The following RAVER1 variants were observed in gnomAD, a reference collection of about 807,000 sequenced individuals.
RAVER1 encodes ribonucleoprotein, PTB binding 1, also known as ribonucleoprotein PTB-binding 1.
Under a neutral mutation model 68.4 loss-of-function variants are expected in RAVER1, and 36 were observed. The ratio of observed to expected loss-of-function variants is 0.53; its 90% CI spans 0.40 to 0.70. The LOEUF (loss-of-function observed/expected upper bound fraction) is 0.70, where lower values mean the gene tolerates loss of function less well. Among genes scored for constraint, RAVER1 ranks in the 30% least tolerant of loss-of-function variants. The pLI is 0.00. For missense variants in RAVER1, 933 were observed against 1,019.8 expected (o/e 0.91, Z 1.16); for synonymous variants, 469 against 472.7 (o/e 0.99, Z 0.10).
chr19:10,329,625 C>CTACACACTGCCCACCCCTGCCA lies in RAVER1; in HGVS notation c.287-536_287-515dup, dbSNP rs1343644541. On this transcript the variant is annotated intron_variant, in intron 2 of 12. Coordinates refer to ENST00000617231, the MANE Select transcript of RAVER1 (RefSeq NM_133452.3). This position sits in a 1 kb window ranked among gnomAD's most constrained non-coding sequence, Gnocchi z 4.6. ...GGCAGCCGGACTCCAGAGGCCCACT[C>CTACACACTGCCCACCCCTGCCA]TACACACTGCCCACCCCTGCCACCT... Among the ~76,000 whole-genome samples the CTACACACTGCCCACCCCTGCCA allele has an allele frequency of 1.8e-3, 269 of 152,348 alleles. 1 individual carries two copies. The highest frequency in any genetic ancestry group is 3.4e-3 in the Middle Eastern group (1 of 294).
chr19:10,318,106 G>A (rs532965278), intron 11 of RAVER1, 123 bp downstream of exon 11: 2 of 829,298 alleles, frequency 2.4e-6, no homozygotes, highest in South Asian at 1.8e-5. Context: ...CCCTGAGCAA[G>A]ACCAACCCCT....
intron 3 of RAVER1, among the ~76,000 whole-genome samples, chr19:10,324,807 T>G (rs2145075902): frequency 6.6e-6 from 1 of 152,248 alleles, no homozygotes; most frequent in Non-Finnish European, 1.5e-5. Flanking sequence ...AAGCCCACCC[T>G]CCATTCAGCT....
rs1599299548 is a variant in RAVER1, at chr19:10,320,922, G to T, written c.1503C>A (p.Asp501Glu). Residue 501 changes from aspartate to glutamate, a missense_variant, in exon 9 of 13, where the codon GAC becomes GAA. Physicochemically the swap from Asp to Glu is conservative, Grantham distance 45. This residue lies in a region of RAVER1 where 699 missense variants were observed against 731.1 expected (regional missense o/e 0.96). Coordinates refer to ENST00000617231, the MANE Select transcript of RAVER1 (RefSeq NM_133452.3). Reference sequence around the variant, plus strand: ...GGTAGGGATTCAGGGGAATCCGGTAGTCCTTGGGGGGCTCCCCCAGCAGTG... The same window carrying T: ...GGTAGGGATTCAGGGGAATCCGGTATTCCTTGGGGGGCTCCCCCAGCAGTG... Reference protein sequence around the residue: ...GVSLLGEPPKDYRIPLNPYLN... With the variant: ...GVSLLGEPPKEYRIPLNPYLN... 1 of 1,497,340 alleles carries T rather than the reference G, an allele frequency of 6.7e-7. No homozygotes were observed. The highest frequency in any genetic ancestry group is 8.9e-7 in the Non-Finnish European group (1 of 1,128,962). 92.8% of individuals were successfully genotyped at this position (1,497,340 alleles called of 1,614,324 possible).
In RAVER1 at chr19:10,322,671, G is replaced by A; in HGVS notation, c.1147C>T (p.Leu383Phe). The change falls in exon 6 of 13, where the codon CTC (leucine) becomes TTC (phenylalanine). Residue 383 changes from leucine to phenylalanine, a missense_variant. Leu to Phe is a conservative substitution (Grantham distance 22). Transcript: ENST00000617231. This position sits in a 1 kb window ranked among gnomAD's most constrained non-coding sequence, Gnocchi z 4.3. ...TTCTGGCCCTGGGTCTGCAGGGCGA[G>A]CTGCAACAGCGCCGTGGACAGGGCT... ...GPALSTALLQLALQTQGQKKP... is the reference protein window; with the variant it reads ...GPALSTALLQFALQTQGQKKP... 1 of 1,545,724 alleles carries A rather than the reference G, an allele frequency of 6.5e-7. No homozygotes were observed. Among genetic ancestry groups the A allele is most frequent in the Non-Finnish European group, 8.7e-7 (1 of 1,155,118 alleles).
chr19:10,330,568 G>A, intron 1 of RAVER1, 42 bp from the exon 2 acceptor site: 2 of 969,240 alleles, frequency 2.1e-6, no homozygotes, highest in Non-Finnish European at 3.3e-6. Flanking sequence ...TACTGGAGAT[G>A]GAAGGGGGCA....
rs572722784 is a variant in RAVER1, at chr19:10,323,101, G to A, written c.1078+44C>T. On this transcript the variant is annotated intron_variant, in intron 5 of 12. Coordinates refer to ENST00000617231, the MANE Select transcript of RAVER1 (RefSeq NM_133452.3). The surrounding 1 kb of genome is among the most constrained non-coding windows in gnomAD (Gnocchi z 6.2). Reference sequence around the variant, plus strand: ...GGGAAGTGCCGGGGGCAGCGCTGCAGCCCCTGTTCTGCACAGTGGGGCCCC... The same window carrying A: ...GGGAAGTGCCGGGGGCAGCGCTGCAACCCCTGTTCTGCACAGTGGGGCCCC... 1.4e-4 allele frequency: 213 copies of A among 1,482,508 alleles called. 3 individuals are homozygous for A. The South Asian group carries it at 2.4e-3, about 17-fold the overall frequency. The allele number at this position is 1,482,508 out of a possible 1,614,324, so 91.8% of individuals were successfully genotyped here.
chr19:10,317,592 C>T lies in RAVER1; in HGVS notation c.2082G>A (p.Leu694=), dbSNP rs367622872. The T allele has an allele frequency of 2.5e-6, 4 of 1,609,022 alleles. No individual in the cohort carries two copies. In the African/African-American group the frequency reaches 5.4e-5, roughly 22 times the overall value. The change falls in exon 13 of 13, where the codon CTG becomes CTA. Residue 694 remains leucine, a synonymous_variant. Transcript: ENST00000617231. This position sits in a 1 kb window ranked among gnomAD's most constrained non-coding sequence, Gnocchi z 4.3. The part of the protein sequence containing the change: ...NGHSHLLKTP[L]GGQKRSFAHL... Reference sequence around the variant, plus strand: ...GGGCAAAGCTGCGTTTCTGGCCGCCCAGTGGGGTCTGGAGACAGAGGGCAG... The same window carrying T: ...GGGCAAAGCTGCGTTTCTGGCCGCCTAGTGGGGTCTGGAGACAGAGGGCAG...
rs922024472 is a variant in RAVER1, at chr19:10,333,201, G to C, written c.219+88C>G. The C allele has an allele frequency of 7.6e-7, 1 of 1,311,960 alleles. No homozygotes were observed. The allele number at this position is 1,311,960 out of a possible 1,614,324, so 81.3% of individuals were successfully genotyped here. A position where few individuals can be genotyped will look rare whatever the true frequency, so the allele number is the denominator to read the frequency against. ...GGGCGCCCCCGCCAACGACCCCCGC[G>C]CACCTCAGCGTTGGTGTCGCCCGGT... On this transcript the variant is annotated intron_variant, in intron 1 of 12. Transcript: ENST00000617231. The surrounding 1 kb of genome is among the most constrained non-coding windows in gnomAD (Gnocchi z 4.2).
intron 7 of RAVER1, 102 bp downstream of exon 7, chr19:10,321,429 A>G: frequency 9.7e-7 from 1 of 1,032,002 alleles, no homozygotes; most frequent in Non-Finnish European, 1.3e-6. Flanking sequence ...CTGATGGACA[A>G]GGGCGCTGGG....
chr19:10,321,748 G>C, intron 6 of RAVER1, 130 bp from the exon 7 acceptor site: 1 of 616,846 alleles, frequency 1.6e-6, no homozygotes, highest in Non-Finnish European at 2.5e-6. Flanking sequence ...ACAGGCACAG[G>C]GTTCCCCAGT....
In RAVER1 at chr19:10,333,330, T is replaced by TG; in HGVS notation, c.177dup (p.Lys60GlnfsTer18). The stretch of plus-strand genomic sequence containing the variant: ...CCCGGGAGGCCCCGGATCAGTATCT[T>TG]GCGGCGGTTACGGAACTGGCGCTCG... On this transcript the variant is annotated frameshift_variant, in exon 1 of 13. Transcript: ENST00000617231. LOFTEE classifies it high-confidence loss of function. This position sits in a 1 kb window ranked among gnomAD's most constrained non-coding sequence, Gnocchi z 4.2. 1 of 1,611,036 alleles carries TG rather than the reference T, an allele frequency of 6.2e-7. No individual in the cohort carries two copies. The highest frequency in any genetic ancestry group is 8.5e-7 in the Non-Finnish European group (1 of 1,177,546).
In RAVER1 at chr19:10,331,266, C is replaced by T. The variant is rs542322162; in HGVS notation, c.220-740G>A. 3.1e-3 allele frequency among the ~76,000 whole-genome samples: 436 copies of T among 142,792 alleles called. 1 individual carries two copies. The highest frequency in any genetic ancestry group is 0.011 in the African/African-American group (420 of 38,612). The allele number at this position is 142,792 out of a possible 152,430, so 93.7% of individuals were successfully genotyped here. On this transcript the variant is annotated intron_variant, in intron 1 of 12. Transcript: ENST00000617231. ...TCGGGAGGCTGAGGCAGGAGAATGG[C>T]GTGAACCCGGGAAGCAGAGCTTGCA...
At chr19:10,326,007 G>A (rs1445271260) in intron 3 of RAVER1, among the ~76,000 whole-genome samples, 1 of 152,144 alleles carries the variant, frequency 6.6e-6, no homozygotes, top group Non-Finnish European at 1.5e-5. Flanking sequence ...TGTAATCTCA[G>A]CACTTGGGGA....
intron 3 of RAVER1, among the ~76,000 whole-genome samples, chr19:10,324,329 G>A (rs1401724182): frequency 6.6e-6 from 1 of 152,126 alleles, no homozygotes; most frequent in Non-Finnish European, 1.5e-5. Context: ...CTCTGCCCAC[G>A]CCCTGTGCCA....
intron 3 of RAVER1, among the ~76,000 whole-genome samples, chr19:10,325,383 C>G (rs1470991531): frequency 6.6e-6 from 1 of 152,140 alleles, no homozygotes; most frequent in African/African-American, 2.4e-5. Flanking sequence ...TGCCACCACA[C>G]CCAGCTAATT....
In RAVER1 at chr19:10,321,596, G is replaced by T; in HGVS notation, c.1196C>A (p.Ser399Ter). The T allele has an allele frequency of 7.1e-7, 1 of 1,406,840 alleles. No individual in the cohort carries two copies. The highest frequency in any genetic ancestry group is 9.3e-7 in the Non-Finnish European group (1 of 1,075,630). The allele number at this position is 1,406,840 out of a possible 1,614,324, so 87.1% of individuals were successfully genotyped here. A position where few individuals can be genotyped will look rare whatever the true frequency, so the allele number is the denominator to read the frequency against. ...GQKKPGILGD[S>*]PLGALQPGAQ... ...CCCAGGCTGGAGGGCGCCCAGGGGT[G>T]AGTCTCCCAGGATGCCGGGCTTCTA... is the stretch of plus-strand genomic sequence containing the variant. Residue 399 changes from serine to a stop codon, truncating the protein, a stop_gained, in exon 7 of 13, where the codon TCA (serine) becomes TAA (stop). Transcript: ENST00000617231. LOFTEE classifies it high-confidence loss of function.
In RAVER1 at chr19:10,328,600, C is replaced by T. The variant is rs775171201; in HGVS notation, c.756+42G>A. Reference sequence around the variant, plus strand: ...ACTCCAAAGACTCTCTCAGGTGCTCCGGGCCTGGCACCTGCTCCCCAATGC... The same window carrying T: ...ACTCCAAAGACTCTCTCAGGTGCTCTGGGCCTGGCACCTGCTCCCCAATGC... On this transcript the variant is annotated intron_variant, in intron 3 of 12. Transcript: ENST00000617231. This position sits in a 1 kb window ranked among gnomAD's most constrained non-coding sequence, Gnocchi z 4.4. 53 of 1,371,796 alleles carry T rather than the reference C, an allele frequency of 3.9e-5. No homozygotes were observed. The highest frequency in any genetic ancestry group is 8.8e-5 in the Admixed American group (4 of 45,622). The allele number at this position is 1,371,796 out of a possible 1,614,324, so 85.0% of individuals were successfully genotyped here.
intron 7 of RAVER1, 57 bp from the exon 8 acceptor site, chr19:10,321,316 G>T (rs1004910632): frequency 3.2e-6 from 3 of 950,832 alleles, no homozygotes; most frequent in Non-Finnish European, 4.2e-6. Flanking sequence ...TCTCCCCAGG[G>T]CCCTCCAGCT....
chr19:10,330,902 A>G (rs139654606), intron 1 of RAVER1, among the ~76,000 whole-genome samples: 304 of 151,502 alleles, frequency 2.0e-3, no homozygotes, highest in African/African-American at 7.0e-3. Context: ...TGTCTCTACT[A>G]AAAATACAAA....
Sources: allele counts gnomAD v4.1 joint callset (sites outside exome capture counted in the v4.1 genomes callset), GRCh38; gene constraint gnomAD v4.1.1; regional missense constraint gnomAD v4.1.1; non-coding constraint Gnocchi (gnomAD v3.1); transcripts MANE v1.5; gene names NCBI Gene and HGNC (gene_info 2026-07-23, HGNC 2026-07-21).